Variants in CFDP1 observed in about 807,000 individuals in gnomAD.
CFDP1 encodes chromatin remodeling protein CFDP1, also known as heterochromatin-stabilizing protein CFDP1.
Under a neutral mutation model 40.1 loss-of-function variants are expected in CFDP1, and 31 were observed. That is an observed-to-expected ratio of 0.77 (90% CI 0.58 to 1.04). The LOEUF (loss-of-function observed/expected upper bound fraction) is 1.04. Ranked by LOEUF, CFDP1 falls within the 50% of genes least tolerant of loss-of-function variation. The probability of loss-of-function intolerance (pLI) is 0.00; values close to 1 mark genes in which losing one functional copy is unlikely to be tolerated. For synonymous variants in CFDP1, 167 were observed against 120.0 expected, an observed-to-expected ratio of 1.39 and a Z score of -2.56; for missense variants, 423 against 343.4, an observed-to-expected ratio of 1.23 and a Z score of -1.83.
chr16:75,383,885 T>C (rs1254920909), intron 5 of CFDP1, among the ~76,000 whole-genome samples: 1 of 149,864 alleles, frequency 6.7e-6, no homozygotes, highest in Non-Finnish European at 1.5e-5. Flanking sequence ...GTTTATAAAA[T>C]CTAGATTTTT....
intron 5 of CFDP1, among the ~76,000 whole-genome samples, chr16:75,343,230 C>T (rs1209779425): frequency 6.6e-6 from 1 of 152,052 alleles, no homozygotes; most frequent in Admixed American, 6.5e-5. Context: ...AAAAATGTTC[C>T]AGCAAAAACT....
intron 1 of CFDP1, among the ~76,000 whole-genome samples, chr16:75,415,633 T>C (rs1567679472): frequency 6.6e-6 from 1 of 152,228 alleles, no homozygotes; most frequent in Non-Finnish European, 1.5e-5. Flanking sequence ...TACTCTTCTG[T>C]GTCTGGCTTC....
chr16:75,381,823 G>C (rs1398996717), intron 5 of CFDP1, among the ~76,000 whole-genome samples: 3 of 152,226 alleles, frequency 2.0e-5, no homozygotes, highest in Admixed American at 1.3e-4. Flanking sequence ...GGACAGAGCA[G>C]AGGGAGAATC....
chr16:75,401,781 C>T (rs939363887), intron 4 of CFDP1, among the ~76,000 whole-genome samples: 2 of 151,762 alleles, frequency 1.3e-5, no homozygotes, highest in South Asian at 4.2e-4. Context: ...GAAAGAGTCA[C>T]CTGAGACAAT....
At chr16:75,320,972 C>T (rs1276100072) in intron 5 of CFDP1, among the ~76,000 whole-genome samples, 1 of 152,110 alleles carries the variant, frequency 6.6e-6, no homozygotes, top group Non-Finnish European at 1.5e-5. Flanking sequence ...TTCTTATTCT[C>T]AGCTAGTATT....
chr16:75,378,563 G>T (rs549876835), intron 5 of CFDP1, among the ~76,000 whole-genome samples: 1 of 152,100 alleles, frequency 6.6e-6, no homozygotes, highest in Non-Finnish European at 1.5e-5. Flanking sequence ...CACGTACCAG[G>T]CTGGACACAT....
intron 5 of CFDP1, among the ~76,000 whole-genome samples, chr16:75,378,071 G>C (rs1567662700): frequency 6.6e-6 from 1 of 152,156 alleles, no homozygotes; most frequent in Non-Finnish European, 1.5e-5. Flanking sequence ...GTGCAGGAAA[G>C]GCTGAGGGAA....
intron 5 of CFDP1, among the ~76,000 whole-genome samples, chr16:75,317,534 G>A (rs1446875752): frequency 1.3e-5 from 2 of 152,204 alleles, no homozygotes; most frequent in South Asian, 2.1e-4. Flanking sequence ...TGCCCCTGAG[G>A]TGCGAACTGC....
chr16:75,406,070 C>T (rs1245694442), intron 4 of CFDP1, among the ~76,000 whole-genome samples: 1 of 151,664 alleles, frequency 6.6e-6, no homozygotes, highest in African/African-American at 2.4e-5. Flanking sequence ...AGCAAGACCC[C>T]ATCTCTACAA....
Position 75,433,480 on chromosome 16 carries a change from T to G in CFDP1, c.-128A>C, listed in dbSNP as rs948551779. On this transcript the variant is annotated 5_prime_UTR_variant, in exon 1 of 7. Transcript: ENST00000283882. ...AGCTAGGGCGGCCCCCGACAGCGCT[T>G]TGCACATGCGCAGAGAGTACTACGT... is the stretch of plus-strand genomic sequence containing the variant. The G allele has an allele frequency of 8.7e-6, 7 of 807,080 alleles. No homozygotes were observed. Among genetic ancestry groups the G allele is most frequent in the South Asian group, 1.5e-5 (1 of 65,348 alleles). 50.0% of individuals were successfully genotyped at this position (807,080 alleles called of 1,614,324 possible).
At chr16:75,317,400 G>A (rs1291219429) in intron 5 of CFDP1, among the ~76,000 whole-genome samples, 3 of 152,172 alleles carry the variant, frequency 2.0e-5, no homozygotes, top group Non-Finnish European at 1.5e-5. Context: ...GGGAGTCCTG[G>A]CAAAGCAGAG....
chr16:75,309,306 G>A lies in CFDP1; in HGVS notation c.651-4124C>T, dbSNP rs574355039. On this transcript the variant is annotated intron_variant, in intron 5 of 6. Transcript: ENST00000283882. ...TCTGCCACAAAGGTACATGAACCAG[G>A]CTTTCAGGAAGCCGAGGCGGGAGAG... is the stretch of plus-strand genomic sequence containing the variant. Among the ~76,000 whole-genome samples, 242 of 152,272 alleles carry A rather than the reference G, an allele frequency of 1.6e-3. 2 individuals carry two copies. In the South Asian group the frequency reaches 0.021, roughly 13 times the overall value.
chr16:75,303,764 A>G (rs979093666), intron 6 of CFDP1, among the ~76,000 whole-genome samples: 1 of 152,206 alleles, frequency 6.6e-6, no homozygotes, highest in Non-Finnish European at 1.5e-5. Context: ...CAATACATAT[A>G]TTATCTCATG....
chr16:75,345,778 C>T (rs1014206700), intron 5 of CFDP1, among the ~76,000 whole-genome samples: 2 of 152,140 alleles, frequency 1.3e-5, no homozygotes, highest in African/African-American at 2.4e-5. Context: ...GTTAGACCAC[C>T]ATGAGGAAAA....
At chr16:75,374,210 GC>G (rs1171971669) in intron 5 of CFDP1, among the ~76,000 whole-genome samples, 3 of 151,756 alleles carry the variant, frequency 2.0e-5, no homozygotes, top group African/African-American at 7.3e-5. Context: ...CCGAGATCGC[GC>G]CACTGCACTC....
At chr16:75,403,268 G>C (rs1409587411) in intron 4 of CFDP1, among the ~76,000 whole-genome samples, 1 of 152,158 alleles carries the variant, frequency 6.6e-6, no homozygotes, top group African/African-American at 2.4e-5. Flanking sequence ...ACCCAGGCTG[G>C]AGTTCAGTGG....
At chr16:75,414,376 A>G (rs2079186802) in intron 2 of CFDP1, among the ~76,000 whole-genome samples, 1 of 152,154 alleles carries the variant, frequency 6.6e-6, no homozygotes, top group South Asian at 2.1e-4. Context: ...ACCTATTAAC[A>G]TTTTCTTTAC....
intron 5 of CFDP1, among the ~76,000 whole-genome samples, chr16:75,371,599 A>G (rs1326229317): frequency 6.6e-6 from 1 of 152,204 alleles, no homozygotes; most frequent in East Asian, 1.9e-4. Context: ...ACAGGTTTAT[A>G]TATTTTAGTA....
At chr16:75,423,670 T>A (rs1328097633) in intron 1 of CFDP1, among the ~76,000 whole-genome samples, 4 of 151,968 alleles carry the variant, frequency 2.6e-5, no homozygotes, top group South Asian at 4.2e-4. Flanking sequence ...ACCCGCCACC[T>A]CGCCCGGCTA....
Sources: allele counts gnomAD v4.1 joint callset (sites outside exome capture counted in the v4.1 genomes callset), GRCh38; gene constraint gnomAD v4.1.1; transcripts MANE v1.5; gene names NCBI Gene and HGNC (gene_info 2026-07-23, HGNC 2026-07-21).